MSH6: variants seen among roughly 807,000 people sequenced by gnomAD.
The protein encoded by MSH6 is DNA mismatch repair protein Msh6.
Under a neutral mutation model 119.1 loss-of-function variants are expected in MSH6, and 85 were observed. The observed-to-expected ratio is 0.71, with a 90% CI of 0.60 to 0.85. MSH6 has a LOEUF of 0.85. Ranked by LOEUF, MSH6 falls within the 40% of genes least tolerant of loss-of-function variation. The pLI is 0.00. For synonymous variants in MSH6, 830 were observed against 586.9 expected, an observed-to-expected ratio of 1.41 and a Z score of -5.99; for missense variants, 2,163 against 1,655.3, an observed-to-expected ratio of 1.31 and a Z score of -5.32.
rs368437140 is a variant in MSH6, at chr2:47,800,552, G to A, written c.2569G>A (p.Asp857Asn). ...ETTYSKKKIIDFLSALEGFKV... is the reference protein window; with the variant it reads ...ETTYSKKKIINFLSALEGFKV... ...TACATACAGCAAGAAGAAGATTATT[G>A]ATTTTCTTTCTGCTCTGGAAGGATT... Residue 857 changes from aspartate (D) to asparagine (N), a missense_variant, in exon 4 of 10, where the codon GAT (aspartate) becomes AAT (asparagine). Physicochemically the swap from Asp to Asn is conservative, Grantham distance 23 (BLOSUM62 1). Transcript: ENST00000234420. 2.5e-6 allele frequency: 4 copies of A among 1,613,536 alleles called. No homozygotes were observed. The African/African-American group carries it at 5.3e-5, about 22-fold the overall frequency.
chr2:47,783,657 C>A (rs1480404579), intron 1 of MSH6, 164 bp downstream of exon 1: 2 of 677,238 alleles, frequency 3.0e-6, no homozygotes, highest in South Asian at 2.8e-5. Context: ...GGGGTCGAGT[C>A]TGGAGCATTT....
chr2:47,789,214 G>A (rs3136269), intron 1 of MSH6: 36,446 of 263,530 alleles, frequency 0.14, 2,918 homozygotes, highest in Non-Finnish European at 0.18. Context: ...CTGAGCCACC[G>A]CACCCGGCCC....
rs1318398002 is a variant in MSH6 at position 47,788,568 on chromosome 2, TTC to T, written c.261-2357_261-2356del. ...GTGCCCAGCCTTTTTCTTTTTCTTT[TTC>T]TTTTTTTTTTTTTTTTTGAGACGGA... On this transcript the variant is annotated intron_variant, in intron 1 of 9. Transcript: ENST00000234420. 7.6e-5 allele frequency among the ~76,000 whole-genome samples: 11 copies of T among 144,256 alleles called. 1 individual carries two copies. Among genetic ancestry groups the T allele is most frequent in the African/African-American group, 2.6e-4 (10 of 38,724 alleles). The allele number at this position is 144,256 out of a possible 152,430, so 94.6% of individuals were successfully genotyped here.
intron 7 of MSH6, 134 bp from the exon 8 acceptor site, chr2:47,806,070 G>A (rs1416079644): frequency 2.3e-6 from 2 of 859,138 alleles, no homozygotes; most frequent in Non-Finnish European, 3.8e-6. Flanking sequence ...AGCTAAACAA[G>A]GCCTATTTAT....
chr2:47,785,229 T>C (rs1027422106), intron 1 of MSH6, among the ~76,000 whole-genome samples: 3 of 151,764 alleles, frequency 2.0e-5, no homozygotes, highest in Non-Finnish European at 4.4e-5. Flanking sequence ...TTCGTGTTTT[T>C]TGTTTGGTTT....
chr2:47,806,955 C>A (rs1308145377), downstream of MSH6: 8 of 951,118 alleles, frequency 8.4e-6, no homozygotes, highest in South Asian at 1.4e-5. Flanking sequence ...TAAAAATGAC[C>A]ATTTTTCCAT....
At position 47,798,951 on chromosome 2, in the gene MSH6, C is replaced by G. The variant is rs777890307; in HGVS notation, c.968C>G (p.Thr323Ser). Residue 323 changes from threonine to serine, a missense_variant, in exon 4 of 10, where the codon ACC (threonine) becomes AGC (serine). By Grantham distance (58) the Thr-to-Ser change is moderately conservative. Coordinates refer to ENST00000234420, the MANE Select transcript of MSH6 (RefSeq NM_000179.3). ...TCTAGGAAGGAAACGCCCTCAGCCACCAAACAAGCAACTAGCATTTCATCA... is the reference window on the plus strand; with the variant it reads ...TCTAGGAAGGAAACGCCCTCAGCCAGCAAACAAGCAACTAGCATTTCATCA... The part of the protein sequence containing the change: ...KSSRKETPSA[T>S]KQATSISSET... 2 of 1,614,188 alleles carry G rather than the reference C, an allele frequency of 1.2e-6. No individual in the cohort carries two copies. The highest frequency in any genetic ancestry group is 1.1e-5 in the South Asian group (1 of 91,088).
At chr2:47,791,245 T>G (rs1479106849) in intron 2 of MSH6, 122 bp downstream of exon 2, 3 of 897,744 alleles carry the variant, frequency 3.3e-6, no homozygotes, top group Non-Finnish European at 5.3e-6. Flanking sequence ...CCCAGTAAAT[T>G]GCAAGGGGTG....
intron 3 of MSH6, chr2:47,797,925 A>T (rs1276205443): frequency 4.6e-6 from 1 of 215,266 alleles, no homozygotes; most frequent in Non-Finnish European, 9.8e-6. Context: ...CTCAAGCCTC[A>T]GCACAATCTT....
chr2:47,798,875 C>T lies in MSH6; in HGVS notation c.892C>T (p.Arg298Ter), dbSNP rs146816935. 5.6e-6 allele frequency: 9 copies of T among 1,613,908 alleles called. No individual in the cohort carries two copies. Among genetic ancestry groups the T allele is most frequent in the East Asian group, 2.2e-5 (1 of 44,892 alleles). The change falls in exon 4 of 10, where the codon CGA becomes TGA. Residue 298 changes from arginine (R) to a stop codon, truncating the protein, a stop_gained. Transcript: ENST00000234420. LOFTEE classifies it high-confidence loss of function. Reference sequence around the variant, plus strand: ...CCTGAACAGCCCTGTCAAAGTTGCTCGAAAGCGGAAGAGAATGGTGACTGG... The same window carrying T: ...CCTGAACAGCCCTGTCAAAGTTGCTTGAAAGCGGAAGAGAATGGTGACTGG... ...EGLNSPVKVA[R>*]KRKRMVTGNG...
rs1044963129 is a variant in MSH6 at position 47,799,739 on chromosome 2, G to C, written c.1756G>C (p.Val586Leu). Residue 586 changes from valine (V) to leucine (L), a missense_variant, in exon 4 of 10, where the codon GTG (valine) becomes CTG (leucine). Physicochemically the swap from Val to Leu is conservative, Grantham distance 32. Transcript: ENST00000234420. ...DRHCSRFRTL[V>L]AHYPPVQVLF... is the part of the protein sequence containing the mutation. ...CCATTGTTCGAGATTTAGGACTCTA[G>C]TGGCACACTATCCCCCAGTACAAGT... The C allele has an allele frequency of 6.2e-7, 1 of 1,614,176 alleles. No individual in the cohort carries two copies. The highest frequency in any genetic ancestry group is 8.5e-7 in the Non-Finnish European group (1 of 1,180,030).
At chr2:47,788,922 G>GTTTTGTTTTTTTT (rs1668541073) in intron 1 of MSH6, among the ~76,000 whole-genome samples, 1 of 40,932 alleles carries the variant, frequency 2.4e-5, no homozygotes, top group Non-Finnish European at 4.2e-5. Flanking sequence ...TTTTTTTTTT[G>GTTTTGTTTTTTTT]TTTTTTTTTT....
At chr2:47,788,285 C>T (rs186125448) in intron 1 of MSH6, among the ~76,000 whole-genome samples, 9 of 116,446 alleles carry the variant, frequency 7.7e-5, no homozygotes, top group Admixed American at 2.4e-4. Context: ...GATGGAGTCT[C>T]GCCCTGTCAC....
intron 1 of MSH6, among the ~76,000 whole-genome samples, chr2:47,788,511 T>G (rs1473719537): frequency 6.6e-6 from 1 of 150,700 alleles, no homozygotes; most frequent in Non-Finnish European, 1.5e-5. Flanking sequence ...CCTTGGCCTT[T>G]CAAAGTGCTG....
intron 2 of MSH6, among the ~76,000 whole-genome samples, chr2:47,793,422 G>A (rs1384094001): frequency 1.3e-5 from 2 of 150,102 alleles, no homozygotes; most frequent in Non-Finnish European, 3.0e-5. Context: ...GAGGTCAGGC[G>A]TTCGAGACCA....
At chr2:47,808,467 C>A (rs1314757062), downstream of MSH6, 3 of 1,505,224 alleles carry the variant, frequency 2.0e-6, no homozygotes, top group South Asian at 3.9e-5. Flanking sequence ...TCAAACATGT[C>A]ATTAATGCAA....
At chr2:47,798,535 TC>T in intron 3 of MSH6, 75 bp from the exon 4 acceptor site, 3 of 1,512,502 alleles carry the variant, frequency 2.0e-6, no homozygotes, top group Non-Finnish European at 2.7e-6. Context: ...AGTCAAAAAA[TC>T]ATAAGTTGAA....
chr2:47,805,605 T>TG lies in MSH6; in HGVS notation c.3557-13_3557-12insG, dbSNP rs1315541351. On this transcript the variant is annotated splice_polypyrimidine_tract_variant and intron_variant, in intron 6 of 9. Transcript: ENST00000234420. ...CAAAATGAGTATTCATTTGTGATTT[T>TG]TTTTTTTTTAAGGTGAAAGTACATT... 6.3e-7 allele frequency: 1 copy of TG among 1,594,486 alleles called. No homozygotes were observed. The highest frequency in any genetic ancestry group is 8.6e-7 in the Non-Finnish European group (1 of 1,162,270).
In MSH6 at chr2:47,800,614, A is replaced by C. The variant is rs1453201546; in HGVS notation, c.2631A>C (p.Glu877Asp). ...GTAAAATTATAGGGATCATGGAAGA[A>C]GTTGCTGATGGTTTTAAGTCTAAAA... is the stretch of plus-strand genomic sequence containing the variant. ...VMCKIIGIME[E>D]VADGFKSKIL... The change falls in exon 4 of 10, where the codon GAA becomes GAC. Residue 877 changes from glutamate to aspartate, a missense_variant. Glu to Asp is a conservative substitution (Grantham distance 45). Transcript: ENST00000234420. The C allele has an allele frequency of 6.2e-7, 1 of 1,614,092 alleles. No homozygotes were observed. Among genetic ancestry groups the C allele is most frequent in the Non-Finnish European group, 8.5e-7 (1 of 1,180,030 alleles).
Sources: allele counts gnomAD v4.1 joint callset (sites outside exome capture counted in the v4.1 genomes callset), GRCh38; gene constraint gnomAD v4.1.1; transcripts MANE v1.5; gene names NCBI Gene and HGNC (gene_info 2026-07-23, HGNC 2026-07-21).